The following GMPR variants were observed in gnomAD, a reference collection of about 807,000 sequenced individuals.
The protein encoded by GMPR is guanosine monophosphate reductase, also known as GMP reductase 1.
In GMPR, 31 loss-of-function variants were observed where a neutral mutation model predicts 38.4. The ratio of observed to expected loss-of-function variants is 0.81; its 90% CI spans 0.61 to 1.09. The LOEUF is 1.09. Ranked by LOEUF, GMPR falls within the 50% of genes least tolerant of loss-of-function variation. GMPR has a pLI of 0.00. For synonymous variants in GMPR, 162 were observed against 173.3 expected (o/e 0.93, Z 0.51); for missense variants, 468 against 453.7 (o/e 1.03, Z -0.29).
intron 2 of GMPR, among the ~76,000 whole-genome samples, chr6:16,249,316 G>A (rs1758819438): frequency 6.6e-6 from 1 of 151,882 alleles, no homozygotes; most frequent in South Asian, 2.1e-4. Flanking sequence ...GGGATTACAG[G>A]TGCTCTACCA....
At chr6:16,267,976 G>C (rs1454750202) in intron 4 of GMPR, among the ~76,000 whole-genome samples, 6 of 152,194 alleles carry the variant, frequency 3.9e-5, no homozygotes, top group African/African-American at 1.4e-4. Flanking sequence ...GAGCCACACA[G>C]ATGTTTCCGC....
chr6:16,238,629 G>T lies in GMPR; in HGVS notation c.-65G>T. On this transcript the variant is annotated 5_prime_UTR_variant, in exon 1 of 9. Transcript: ENST00000259727. The stretch of plus-strand genomic sequence containing the variant: ...CGGCACAGCAGCCCCGGCGCTCCCC[G>T]CGCCGCCCCGCGCAGGCGCCCCCGC... 1.7e-6 allele frequency: 1 copy of T among 594,244 alleles called. No individual in the cohort carries two copies. 36.8% of individuals were successfully genotyped at this position (594,244 alleles called of 1,614,324 possible). A position where few individuals can be genotyped will look rare whatever the true frequency, so the allele number is the denominator to read the frequency against.
intron 4 of GMPR, among the ~76,000 whole-genome samples, chr6:16,255,822 T>C (rs1307355313): frequency 6.6e-6 from 1 of 152,190 alleles, no homozygotes; most frequent in Non-Finnish European, 1.5e-5. Context: ...GTAAGAAAGT[T>C]GGGAGGAAGG....
chr6:16,240,674 G>T (rs1228530836), intron 1 of GMPR, among the ~76,000 whole-genome samples: 1 of 152,160 alleles, frequency 6.6e-6, no homozygotes, highest in Non-Finnish European at 1.5e-5. Context: ...TCCTTCTCGG[G>T]GAATACTATC....
At chr6:16,294,932 T>C in intron 8 of GMPR, 74 bp from the exon 9 acceptor site, 1 of 1,196,766 alleles carries the variant, frequency 8.4e-7, no homozygotes, top group South Asian at 1.3e-5. Flanking sequence ...GTGCTGGAGC[T>C]GGGAGTAATT....
intron 2 of GMPR, among the ~76,000 whole-genome samples, chr6:16,248,833 A>G (rs1436163575): frequency 6.6e-6 from 1 of 152,222 alleles, no homozygotes; most frequent in Non-Finnish European, 1.5e-5. Flanking sequence ...TGATTAATTC[A>G]CATAATAGAT....
chr6:16,270,314 CA>C (rs1311306049), intron 4 of GMPR, among the ~76,000 whole-genome samples: 1 of 152,194 alleles, frequency 6.6e-6, no homozygotes, highest in Non-Finnish European at 1.5e-5. Flanking sequence ...GTGCTCTGGA[CA>C]AGGGTTCATT....
chr6:16,279,424 CCCT>C (rs1469827728), intron 6 of GMPR, among the ~76,000 whole-genome samples: 1 of 152,224 alleles, frequency 6.6e-6, no homozygotes, highest in East Asian at 1.9e-4. Context: ...TCAGGGGCCA[CCCT>C]CCTCCAGGAT....
chr6:16,290,883 A>C (rs1759828928), intron 8 of GMPR, among the ~76,000 whole-genome samples: 3 of 152,208 alleles, frequency 2.0e-5, no homozygotes, highest in Non-Finnish European at 4.4e-5. Context: ...CCTGAAGGGA[A>C]TACTTCAGAC....
At chr6:16,241,172 T>C (rs1033319107) in intron 1 of GMPR, among the ~76,000 whole-genome samples, 2 of 152,112 alleles carry the variant, frequency 1.3e-5, no homozygotes, top group African/African-American at 2.4e-5. Context: ...ATGACCGACA[T>C]TGAGCCTAAC....
chr6:16,284,754 G>T (rs906400431), intron 6 of GMPR, among the ~76,000 whole-genome samples: 5 of 152,004 alleles, frequency 3.3e-5, no homozygotes, highest in African/African-American at 1.2e-4. Context: ...GCGCGGTGGT[G>T]CACGCCTGTA....
At chr6:16,241,827 C>T (rs888023226) in intron 1 of GMPR, among the ~76,000 whole-genome samples, 10 of 152,078 alleles carry the variant, frequency 6.6e-5, no homozygotes, top group Non-Finnish European at 1.2e-4. Flanking sequence ...CTGCAACCTC[C>T]GCCTCCTGGG....
intron 4 of GMPR, among the ~76,000 whole-genome samples, chr6:16,256,515 T>C (rs1758979856): frequency 8.5e-6 from 1 of 117,630 alleles, no homozygotes. Flanking sequence ...GGAGACAGAG[T>C]GAGACTCTGT....
chr6:16,251,104 C>T (rs905614351), intron 3 of GMPR, among the ~76,000 whole-genome samples: 1 of 152,140 alleles, frequency 6.6e-6, no homozygotes, highest in Admixed American at 6.5e-5. Context: ...TTCATGGCAG[C>T]GTTATTCATA....
At chr6:16,246,160 T>G (rs1758751741) in intron 1 of GMPR, among the ~76,000 whole-genome samples, 1 of 152,144 alleles carries the variant, frequency 6.6e-6, no homozygotes. Flanking sequence ...AGCACGTGGC[T>G]TCTGTCAAGC....
intron 7 of GMPR, among the ~76,000 whole-genome samples, chr6:16,289,164 C>CTA (rs1378732158): frequency 6.6e-6 from 1 of 152,316 alleles, no homozygotes; most frequent in East Asian, 1.9e-4. Context: ...CCGGGAAGGT[C>CTA]TATAGCTTCA....
At chr6:16,265,566 C>T (rs1376010081) in intron 4 of GMPR, among the ~76,000 whole-genome samples, 1 of 152,262 alleles carries the variant, frequency 6.6e-6, no homozygotes, top group Non-Finnish European at 1.5e-5. Flanking sequence ...CTGTGTCTAG[C>T]TAAAGGATTG....
intron 7 of GMPR, among the ~76,000 whole-genome samples, chr6:16,286,564 G>A (rs1759684607): frequency 6.6e-6 from 1 of 152,028 alleles, no homozygotes; most frequent in Admixed American, 6.5e-5. Flanking sequence ...AAAAAATGGT[G>A]GCAGGAAACT....
At chr6:16,241,896 G>A (rs1018148627) in intron 1 of GMPR, among the ~76,000 whole-genome samples, 4 of 151,480 alleles carry the variant, frequency 2.6e-5, no homozygotes, top group Admixed American at 2.0e-4. Flanking sequence ...CACCTACCAC[G>A]CTCTGCTAAT....
Sources: allele counts gnomAD v4.1 joint callset (sites outside exome capture counted in the v4.1 genomes callset), GRCh38; gene constraint gnomAD v4.1.1; transcripts MANE v1.5; gene names NCBI Gene and HGNC (gene_info 2026-07-23, HGNC 2026-07-21).